SUMF1: variants seen among roughly 807,000 people sequenced by gnomAD.
SUMF1 encodes the protein formylglycine-generating enzyme.
A neutral mutation model predicts 47.6 loss-of-function variants in SUMF1; 48 were observed. That is an observed-to-expected ratio of 1.01 (90% CI 0.80 to 1.28). SUMF1 has a LOEUF of 1.28. Among genes scored for constraint, SUMF1 ranks in the 50% most tolerant of loss-of-function variants. The pLI is 0.00. For synonymous variants in SUMF1, 230 were observed against 192.1 expected (o/e 1.20, Z -1.63); for missense variants, 571 against 485.4 (o/e 1.18, Z -1.66).
chr3:4,036,849 CAAAAAAAAAAAAA>C (rs3048145), intron 9 of SUMF1, among the ~76,000 whole-genome samples: 5 of 75,146 alleles, frequency 6.7e-5, no homozygotes, highest in African/African-American at 1.2e-4. Flanking sequence ...GTCAGTGAGG[CAAAAAAAAAAAAA>C]AAAAAAAAAA....
intron 5 of SUMF1, 126 bp from the exon 6 acceptor site, chr3:4,417,368 T>C (rs1173814818): frequency 3.1e-5 from 20 of 639,494 alleles, no homozygotes; most frequent in South Asian, 3.1e-4. Flanking sequence ...TTAAAATATA[T>C]ATATAAATAA....
rs754376405 is a variant in SUMF1 at position 4,325,555 on chromosome 3, C to CTG, written c.1014+50773_1014+50774dup. ...TGTGTGTGTGTATATATGTGTGTGT[C>CTG]TGTGTGTGTATATATATATATATGT... On this transcript the variant is annotated intron_variant and NMD_transcript_variant, in intron 8 of 12. Coordinates refer to the SUMF1 transcript ENST00000448413. Among the ~76,000 whole-genome samples the CTG allele has an allele frequency of 6.2e-3, 864 of 140,272 alleles. 11 individuals carry two copies. Among genetic ancestry groups the CTG allele is most frequent in the African/African-American group, 0.023 (826 of 36,082 alleles). 92.0% of individuals were successfully genotyped at this position (140,272 alleles called of 152,430 possible).
intron 8 of SUMF1, among the ~76,000 whole-genome samples, chr3:4,146,727 C>T (rs1054800419): frequency 9.9e-5 from 15 of 151,200 alleles, no homozygotes; most frequent in African/African-American, 3.7e-4. Context: ...TGATGTTCCC[C>T]TTCCTGTGTC....
At chr3:4,070,046 A>C (rs1409415519) in intron 8 of SUMF1, among the ~76,000 whole-genome samples, 1 of 152,164 alleles carries the variant, frequency 6.6e-6, no homozygotes, top group African/African-American at 2.4e-5. Context: ...TAGTCTCCAC[A>C]ATCCTTTATC....
chr3:4,337,516 A>G (rs1699179791), intron 8 of SUMF1, among the ~76,000 whole-genome samples: 1 of 152,068 alleles, frequency 6.6e-6, no homozygotes, highest in South Asian at 2.1e-4. Flanking sequence ...AGCCAGTTAC[A>G]AACTGCTAAT....
At chr3:4,333,499 T>C (rs905464102) in intron 8 of SUMF1, among the ~76,000 whole-genome samples, 1 of 152,196 alleles carries the variant, frequency 6.6e-6, no homozygotes, top group Non-Finnish European at 1.5e-5. Context: ...GAAGCAGGTA[T>C]AGCTGGAAAG....
At chr3:4,261,062 C>T (rs141770951) in intron 8 of SUMF1, among the ~76,000 whole-genome samples, 8 of 152,218 alleles carry the variant, frequency 5.3e-5, no homozygotes, top group Non-Finnish European at 7.4e-5. Flanking sequence ...ATAACTAATA[C>T]TCACCCTAGT....
At chr3:4,165,556 T>A (rs1300957957) in intron 8 of SUMF1, among the ~76,000 whole-genome samples, 2 of 152,106 alleles carry the variant, frequency 1.3e-5, no homozygotes, top group Non-Finnish European at 2.9e-5. Context: ...AGTTGTGGAT[T>A]ATCTTTCAAT....
chr3:4,163,121 GA>G (rs71802775), intron 8 of SUMF1, among the ~76,000 whole-genome samples: 16 of 148,776 alleles, frequency 1.1e-4, no homozygotes, highest in South Asian at 8.6e-4. Context: ...GCAGCAGCCT[GA>G]AAAAAAAAAT....
At chr3:4,279,666 T>A in intron 8 of SUMF1, among the ~76,000 whole-genome samples, 1 of 151,630 alleles carries the variant, frequency 6.6e-6, no homozygotes, top group East Asian at 1.9e-4. Context: ...AAAAAAAAAA[T>A]AAAGCCATGT....
At chr3:4,289,320 C>T (rs144425720) in intron 8 of SUMF1, among the ~76,000 whole-genome samples, 267 of 152,300 alleles carry the variant, frequency 1.8e-3, no homozygotes, top group Middle Eastern at 6.8e-3. Flanking sequence ...CCTGTATTTC[C>T]TGCTCAGTTA....
chr3:4,294,996 AAG>A (rs1359929663), intron 8 of SUMF1, among the ~76,000 whole-genome samples: 1 of 152,216 alleles, frequency 6.6e-6, no homozygotes, highest in Non-Finnish European at 1.5e-5. Context: ...TGAAAAAGAA[AAG>A]AGCTTTTTCC....
At chr3:4,359,293 T>C (rs1699690057), downstream of SUMF1, among the ~76,000 whole-genome samples, 3 of 152,320 alleles carry the variant, frequency 2.0e-5, no homozygotes, top group South Asian at 6.2e-4. Flanking sequence ...GTATTCATTT[T>C]TAGAGACAGG....
In SUMF1 at chr3:4,219,312, T is replaced by G. The variant is rs538298812; in HGVS notation, c.1015-150567A>C. Among the ~76,000 whole-genome samples the G allele has an allele frequency of 9.2e-5, 14 of 152,288 alleles. No individual in the cohort carries two copies. The South Asian group carries it at 2.5e-3, about 27-fold the overall frequency. ...ATCAATGAAGAGGCAGAGGAGGTAT[T>G]GCTGATCCCATTTTACAGATGAGGA... On this transcript the variant is annotated intron_variant and NMD_transcript_variant, in intron 8 of 12. Coordinates refer to the SUMF1 transcript ENST00000448413.
At chr3:4,376,167 T>C (rs1700320393) in intron 8 of SUMF1, among the ~76,000 whole-genome samples, 163 bp downstream of exon 8, 1 of 152,218 alleles carries the variant, frequency 6.6e-6, no homozygotes. Flanking sequence ...TCTCCATGCT[T>C]GTAACCAAAT....
intron 9 of SUMF1, among the ~76,000 whole-genome samples, chr3:4,050,585 T>C (rs1274587824): frequency 6.7e-6 from 1 of 150,206 alleles, no homozygotes; most frequent in Non-Finnish European, 1.5e-5. Flanking sequence ...CCACTAAAAA[T>C]ACAAAAAATT....
intron 8 of SUMF1, among the ~76,000 whole-genome samples, chr3:4,176,203 C>A (rs373723386): frequency 6.6e-5 from 10 of 152,170 alleles, no homozygotes; most frequent in African/African-American, 2.2e-4. Context: ...CAAAGATACT[C>A]CTCAAGAAGA....
rs149632100 is a variant in SUMF1, at chr3:4,273,349, G to A, written c.1014+102981C>T. Among the ~76,000 whole-genome samples, 497 of 152,106 alleles carry A rather than the reference G, an allele frequency of 3.3e-3. 8 individuals carry two copies. Among genetic ancestry groups the A allele is most frequent in the Admixed American group, 0.031 (468 of 15,262 alleles). On this transcript the variant is annotated intron_variant and NMD_transcript_variant, in intron 8 of 12. Coordinates refer to the SUMF1 transcript ENST00000448413. The stretch of plus-strand genomic sequence containing the variant: ...TGAAATAGTATTTGGCAATAAAAAG[G>A]AACAAAGTACTGATACATGCTACAA...
chr3:4,225,538 C>G (rs1196414194), intron 8 of SUMF1, among the ~76,000 whole-genome samples: 1 of 152,118 alleles, frequency 6.6e-6, no homozygotes, highest in Non-Finnish European at 1.5e-5. Context: ...AGAACAGCAG[C>G]TTCAGTCTAT....
Sources: gnomAD v4.1 joint callset for allele counts (sites outside exome capture counted in the v4.1 genomes callset) on GRCh38, gnomAD v4.1.1 for gene constraint, MANE v1.5 for transcripts, NCBI Gene and HGNC (gene_info 2026-07-23, HGNC 2026-07-21) for gene names.